Variants in TMEM52B observed in about 807,000 individuals in gnomAD.
TMEM52B encodes the protein chromosome 12 open reading frame 59.
Under a neutral mutation model 16.1 loss-of-function variants are expected in TMEM52B, and 11 were observed. That is an observed-to-expected ratio of 0.68 (90% CI 0.43 to 1.13). TMEM52B has a LOEUF of 1.13. TMEM52B is among the 50% of genes most tolerant of loss of function. The probability of loss-of-function intolerance (pLI) is 0.00; values close to 1 mark genes in which losing one functional copy is unlikely to be tolerated. For synonymous variants in TMEM52B, 101 were observed against 93.8 expected, an observed-to-expected ratio of 1.08 and a Z score of -0.45; for missense variants, 243 against 230.4, an observed-to-expected ratio of 1.05 and a Z score of -0.35.
At chr12:10,177,149 G>A (rs1392294976), upstream of TMEM52B, among the ~76,000 whole-genome samples, 1 of 152,114 alleles carries the variant, frequency 6.6e-6, no homozygotes, top group Non-Finnish European at 1.5e-5. Flanking sequence ...GCCACCTAAA[G>A]CCCTGCTCTC....
chr12:10,172,062 G>C, intron 1 of TMEM52B: 1 of 1,613,450 alleles, frequency 6.2e-7, no homozygotes, highest in Non-Finnish European at 8.5e-7. Flanking sequence ...TGGATCTTTA[G>C]GTCATCAAAA....
At chr12:10,182,665 A>G (rs146392711) in intron 2 of TMEM52B, 72 bp downstream of exon 2, 17,559 of 1,428,658 alleles carry the variant, frequency 0.012, 210 homozygotes, top group South Asian at 0.044. Context: ...GAGAGTCAAG[A>G]TGTCATTAGA....
At chr12:10,176,815 C>T (rs1948769194), upstream of TMEM52B, among the ~76,000 whole-genome samples, 1 of 151,922 alleles carries the variant, frequency 6.6e-6, no homozygotes, top group Non-Finnish European at 1.5e-5. Context: ...GAAAATGAGC[C>T]AATAGAGGTC....
At chr12:10,182,486 G>A in intron 1 of TMEM52B, 64 bp from the exon 2 acceptor site, 1 of 1,517,272 alleles carries the variant, frequency 6.6e-7, no homozygotes, top group Non-Finnish European at 8.8e-7. Flanking sequence ...AGAGATGATT[G>A]GTAAGCAGCT....
chr12:10,171,966 A>ATTCT (rs1948724380), intron 1 of TMEM52B: 1 of 1,505,132 alleles, frequency 6.6e-7, no homozygotes. Flanking sequence ...TAACACTGGG[A>ATTCT]TTCTTTCCCT....
upstream of TMEM52B, among the ~76,000 whole-genome samples, chr12:10,177,625 C>A (rs952754053): frequency 2.3e-4 from 35 of 151,672 alleles, no homozygotes; most frequent in Non-Finnish European, 4.4e-4. Context: ...GAAAAGTTAG[C>A]TGGGTGTCGT....
intron 2 of TMEM52B, among the ~76,000 whole-genome samples, chr12:10,184,834 T>C (rs987136913): frequency 1.4e-4 from 21 of 145,408 alleles, no homozygotes; most frequent in Admixed American, 2.9e-4. Flanking sequence ...AGTTCTTTCT[T>C]AGTATTTTTT....
intron 1 of TMEM52B, chr12:10,172,179 C>G (rs1191863064): frequency 1.3e-6 from 1 of 754,970 alleles, no homozygotes; most frequent in African/African-American, 1.7e-5. Context: ...CTACTGTTAT[C>G]TAATAGAAGA....
chr12:10,179,723 G>A (rs1948800697), intron 1 of TMEM52B, 95 bp downstream of exon 1: 2 of 1,440,470 alleles, frequency 1.4e-6, no homozygotes, highest in South Asian at 2.3e-5. Context: ...GGGGTGGGGA[G>A]ACATATACAG....
chr12:10,189,016 CAAAAAAAAAAAAAA>C (rs869240234), intron 4 of TMEM52B, among the ~76,000 whole-genome samples: 884 of 56,490 alleles, frequency 0.016, 18 homozygotes, highest in Middle Eastern at 0.02. Flanking sequence ...GACTCCGTCT[CAAAAAAAAAAAAAA>C]AAAAAAAAAA....
At chr12:10,174,756 T>A (rs540734773), upstream of TMEM52B, among the ~76,000 whole-genome samples, 9 of 152,364 alleles carry the variant, frequency 5.9e-5, no homozygotes, top group African/African-American at 2.2e-4. Context: ...TTCTCCTTTC[T>A]TGGAAACCAC....
intron 4 of TMEM52B, among the ~76,000 whole-genome samples, chr12:10,188,546 A>G (rs1320686109): frequency 0.016 from 1,004 of 62,954 alleles, 7 homozygotes; most frequent in Non-Finnish European, 0.028. Flanking sequence ...GGAAAAGAAG[A>G]AAAAGAAAAA....
upstream of TMEM52B, among the ~76,000 whole-genome samples, chr12:10,177,556 T>A (rs9300224): frequency 0.75 from 114,191 of 151,578 alleles, 43,846 homozygotes; most frequent in African/African-American, 0.87. Context: ...GTAAACTAAC[T>A]TCTACTTTTC....
chr12:10,177,907 CTTTT>C (rs1387950856), upstream of TMEM52B, among the ~76,000 whole-genome samples: 2 of 150,518 alleles, frequency 1.3e-5, no homozygotes, highest in Non-Finnish European at 3.0e-5. Flanking sequence ...TAATATTTTG[CTTTT>C]TTGAGGCAGA....
rs202019424 is a variant in TMEM52B at position 10,190,044 on chromosome 12, C to T, written c.456C>T (p.Cys152=). The T allele has an allele frequency of 3.5e-4, 561 of 1,614,036 alleles. 2 individuals carry two copies. The East Asian group carries it at 3.9e-3, about 11-fold the overall frequency. ...LHMSRFTVAM[C]GQKAPDLPPV... is the part of the protein sequence containing the mutation. The stretch of plus-strand genomic sequence containing the variant: ...TGAGTCGCTTCACAGTAGCCATGTG[C>T]GGGCAGAAAGCACCTGATCTACCCC... The change falls in exon 5 of 5, where the codon TGC becomes TGT. Residue 152 remains cysteine (C), a synonymous_variant. Coordinates refer to ENST00000543484, the MANE Select transcript of TMEM52B (RefSeq NM_001384896.1).
chr12:10,190,150 T>C lies in TMEM52B; in HGVS notation c.*10T>C. The C allele has an allele frequency of 1.2e-6, 2 of 1,614,066 alleles. No individual in the cohort carries two copies. Among genetic ancestry groups the C allele is most frequent in the Non-Finnish European group, 1.7e-6 (2 of 1,179,954 alleles). On this transcript the variant is annotated 3_prime_UTR_variant, in exon 5 of 5. Transcript: ENST00000543484. Reference sequence around the variant, plus strand: ...TGACTCTTGGAACTGATGAGAGCTGTCATTTTATAAATAGGAGTGGAGTGA... The same window carrying C: ...TGACTCTTGGAACTGATGAGAGCTGCCATTTTATAAATAGGAGTGGAGTGA...
In TMEM52B at chr12:10,190,139, G is replaced by A; in HGVS notation, c.551G>A (p.Ter184=). The change falls in exon 5 of 5, where the codon TGA becomes TAA. Residue 184 remains the stop codon, a stop_retained_variant. Transcript: ENST00000543484. ...ESTRIVDSWN[*] is the part of the protein sequence containing the mutation. ...ACTCGAATAGTTGACTCTTGGAACT[G>A]ATGAGAGCTGTCATTTTATAAATAG... 1 of 1,614,130 alleles carries A rather than the reference G, an allele frequency of 6.2e-7. No homozygotes were observed. The highest frequency in any genetic ancestry group is 1.3e-5 in the African/African-American group (1 of 75,026).
intron 4 of TMEM52B, among the ~76,000 whole-genome samples, chr12:10,188,054 G>A (rs962394675): frequency 5.3e-5 from 8 of 152,132 alleles, no homozygotes; most frequent in African/African-American, 1.4e-4. Context: ...AGCCGAGATC[G>A]TGCCACTGCA....
intron 1 of TMEM52B, chr12:10,182,238 G>A (rs1167568599): frequency 1.1e-5 from 11 of 985,070 alleles, no homozygotes; most frequent in Non-Finnish European, 1.2e-5. Context: ...TATCCCAAGG[G>A]ACAGAGAGAT....
Sources: allele counts gnomAD v4.1 joint callset (sites outside exome capture counted in the v4.1 genomes callset), GRCh38; gene constraint gnomAD v4.1.1; transcripts MANE v1.5; gene names NCBI Gene and HGNC (gene_info 2026-07-23, HGNC 2026-07-21).